MDGA2: variants seen among roughly 807,000 people sequenced by gnomAD.
MDGA2 encodes the protein MAM domain containing glycosylphosphatidylinositol anchor 2.
MDGA2 carries 40 observed loss-of-function variants against 117.8 expected under a neutral mutation model. That is an observed-to-expected ratio of 0.34 (90% CI 0.26 to 0.44). The LOEUF (loss-of-function observed/expected upper bound fraction) is 0.44, where lower values mean the gene tolerates loss of function less well. MDGA2 is among the 20% of genes least tolerant of loss of function. The pLI, the probability that MDGA2 is intolerant of heterozygous loss-of-function variation, is 1.00. For synonymous variants in MDGA2, 452 were observed against 439.0 expected, an observed-to-expected ratio of 1.03 and a Z score of -0.37; for missense variants, 1,123 against 1,250.6, an observed-to-expected ratio of 0.90 and a Z score of 1.54.
intron 1 of MDGA2, among the ~76,000 whole-genome samples, chr14:47,574,653 AAAT>A (rs1469926934): frequency 6.6e-6 from 1 of 152,176 alleles, no homozygotes; most frequent in African/African-American, 2.4e-5. Context: ...CTAATAATAA[AAAT>A]AATAGATAAA....
intron 8 of MDGA2, among the ~76,000 whole-genome samples, chr14:47,002,258 T>C (rs1016424059): frequency 3.3e-5 from 5 of 152,104 alleles, no homozygotes; most frequent in African/African-American, 1.2e-4. Flanking sequence ...AGGCTTAAAT[T>C]CATGAATATG....
intron 1 of MDGA2, among the ~76,000 whole-genome samples, chr14:47,588,229 G>GATATATATATATATATAT (rs1243073183): frequency 3.9e-5 from 4 of 101,930 alleles, no homozygotes; most frequent in African/African-American, 1.2e-4. Flanking sequence ...ATCTCTTGGA[G>GATATATATATATATATAT]ATAGATAGAT....
chr14:47,572,815 GC>G (rs1177862153), intron 1 of MDGA2, among the ~76,000 whole-genome samples: 1 of 152,086 alleles, frequency 6.6e-6, no homozygotes, highest in Non-Finnish European at 1.5e-5. Context: ...AGAAATTCTG[GC>G]CTCAGCAGCA....
At chr14:46,856,748 C>T (rs1881282719) in intron 14 of MDGA2, among the ~76,000 whole-genome samples, 1 of 151,966 alleles carries the variant, frequency 6.6e-6, no homozygotes, top group South Asian at 2.1e-4. Flanking sequence ...CTCCCTCTCT[C>T]CTTCCATTCC....
chr14:47,295,330 G>T (rs1225494319), intron 2 of MDGA2, among the ~76,000 whole-genome samples: 1 of 152,094 alleles, frequency 6.6e-6, no homozygotes, highest in Non-Finnish European at 1.5e-5. Context: ...CATTATACTG[G>T]TTACAATTAA....
At chr14:46,861,615 T>C (rs1171139261) in intron 14 of MDGA2, among the ~76,000 whole-genome samples, 2 of 151,958 alleles carry the variant, frequency 1.3e-5, no homozygotes, top group South Asian at 2.1e-4. Context: ...TAAATTTTAC[T>C]TGTTTGATAA....
chr14:47,336,407 A>G (rs887687475), intron 1 of MDGA2, among the ~76,000 whole-genome samples: 2 of 151,982 alleles, frequency 1.3e-5, no homozygotes, highest in African/African-American at 4.8e-5. Flanking sequence ...GACTGGCATT[A>G]AGGAGAAAAT....
At chr14:47,282,072 C>A (rs557887483) in intron 2 of MDGA2, among the ~76,000 whole-genome samples, 3 of 147,514 alleles carry the variant, frequency 2.0e-5, no homozygotes, top group African/African-American at 2.5e-5. Flanking sequence ...AAAAAAGACA[C>A]TTTCTTCAAC....
chr14:47,225,808 GTAA>G (rs1341810784), intron 2 of MDGA2, among the ~76,000 whole-genome samples: 14 of 143,584 alleles, frequency 9.8e-5, no homozygotes, highest in Non-Finnish European at 2.0e-4. Context: ...AACTTAAAGT[GTAA>G]TAATAATAAA....
At chr14:47,536,239 T>C (rs1207427363) in intron 1 of MDGA2, among the ~76,000 whole-genome samples, 1 of 152,080 alleles carries the variant, frequency 6.6e-6, no homozygotes, top group Non-Finnish European at 1.5e-5. Context: ...GTCAAGCAAA[T>C]ACAAATTACC....
At chr14:47,078,808 A>G (rs1481859089) in intron 6 of MDGA2, among the ~76,000 whole-genome samples, 1 of 152,140 alleles carries the variant, frequency 6.6e-6, no homozygotes, top group Non-Finnish European at 1.5e-5. Flanking sequence ...GATAACACCT[A>G]TAATTTATTC....
At chr14:47,120,490 C>T (rs924058665) in intron 5 of MDGA2, among the ~76,000 whole-genome samples, 15 of 152,024 alleles carry the variant, frequency 9.9e-5, no homozygotes, top group East Asian at 9.6e-4. Context: ...TGAACTAAAG[C>T]ATATTACTAA....
At chr14:47,671,980 C>T (rs977143291) in intron 1 of MDGA2, among the ~76,000 whole-genome samples, 4 of 152,098 alleles carry the variant, frequency 2.6e-5, no homozygotes, top group Non-Finnish European at 5.9e-5. Flanking sequence ...CTTCAGTGTC[C>T]ACTGTAATCA....
chr14:46,881,780 G>T (rs1233407424), intron 11 of MDGA2, among the ~76,000 whole-genome samples: 1 of 151,924 alleles, frequency 6.6e-6, no homozygotes, highest in East Asian at 1.9e-4. Context: ...TAACTTGTAG[G>T]ATCAAAAATA....
At chr14:47,551,496 C>A (rs905151866) in intron 1 of MDGA2, among the ~76,000 whole-genome samples, 1 of 152,116 alleles carries the variant, frequency 6.6e-6, no homozygotes, top group East Asian at 1.9e-4. Context: ...CCATGAAACA[C>A]CCTGACATTT....
At chr14:47,086,726 C>T (rs929926463) in intron 6 of MDGA2, among the ~76,000 whole-genome samples, 5 of 151,984 alleles carry the variant, frequency 3.3e-5, no homozygotes, top group African/African-American at 4.8e-5. Flanking sequence ...ATGAAAGAGA[C>T]ATTTTATTTC....
At chr14:47,034,729 T>TACACACACACACACACAC (rs59191576) in intron 8 of MDGA2, among the ~76,000 whole-genome samples, 1 of 147,056 alleles carries the variant, frequency 6.8e-6, no homozygotes, top group Non-Finnish European at 1.5e-5. Flanking sequence ...ATAATTATCA[T>TACACACACACACACACAC]ACACACACAC....
intron 1 of MDGA2, among the ~76,000 whole-genome samples, chr14:47,673,345 C>T (rs1228637873): frequency 2.0e-5 from 3 of 152,172 alleles, no homozygotes; most frequent in Non-Finnish European, 4.4e-5. Context: ...AATATTCATT[C>T]CTTTTTGCCC....
At chr14:46,975,731 C>G (rs1002480012) in intron 8 of MDGA2, among the ~76,000 whole-genome samples, 1 of 151,918 alleles carries the variant, frequency 6.6e-6, no homozygotes, top group African/African-American at 2.4e-5. Context: ...TAAAAAATAC[C>G]ATAAATTGAG....
Sources: allele counts gnomAD v4.1 joint callset (sites outside exome capture counted in the v4.1 genomes callset), GRCh38; gene constraint gnomAD v4.1.1; transcripts MANE v1.5; gene names NCBI Gene and HGNC (gene_info 2026-07-23, HGNC 2026-07-21).